Variants in PKHD1L1 observed in about 807,000 individuals in gnomAD.
The protein encoded by PKHD1L1 is fibrocystin-L.
In PKHD1L1, 434 loss-of-function variants were observed where a neutral mutation model predicts 462.9. That is an observed-to-expected ratio of 0.94 (90% CI 0.87 to 1.02). PKHD1L1 has a LOEUF of 1.02. Among genes scored for constraint, PKHD1L1 ranks in the 50% least tolerant of loss-of-function variants. The pLI, the probability that PKHD1L1 is intolerant of heterozygous loss-of-function variation, is 0.00. For missense variants in PKHD1L1, 5,202 were observed against 5,096.1 expected, an observed-to-expected ratio of 1.02 and a Z score of -0.63; for synonymous variants, 1,781 against 1,750.0, an observed-to-expected ratio of 1.02 and a Z score of -0.44.
chr8:109,436,398 G>C lies in PKHD1L1; in HGVS notation c.3566G>C (p.Gly1189Ala), dbSNP rs1275648734. 1.4e-5 allele frequency: 23 copies of C among 1,613,328 alleles called. No homozygotes were observed. The highest frequency in any genetic ancestry group is 1.9e-5 in the Non-Finnish European group (23 of 1,179,722). Residue 1189 changes from glycine to alanine, a missense_variant, in exon 30 of 78, where the codon GGA becomes GCA. Physicochemically the swap from Gly to Ala is moderately conservative, Grantham distance 60. Transcript: ENST00000378402. ...GFNENSKVLV[G>A]NETCNVIEGD... ...AATGAAAATTCAAAGGTATTAGTTG[G>C]AAATGAAACCTGCAATGTGATTGAA...
rs1413636455 is a variant in PKHD1L1, at chr8:109,534,223, G to A, written c.*4133G>A. Among the ~76,000 whole-genome samples the A allele has an allele frequency of 6.6e-6, 1 of 152,262 alleles. No homozygotes were observed. The highest frequency in any genetic ancestry group is 2.4e-5 in the African/African-American group (1 of 41,468). On this transcript the variant is annotated 3_prime_UTR_variant, in exon 78 of 78. Transcript: ENST00000378402. ...CACGCCTGTAATCCCAGCACTCTGG[G>A]AGGCCAAGGCAGGCGGATCACGAGG... is the stretch of plus-strand genomic sequence containing the variant.
intron 63 of PKHD1L1, 81 bp downstream of exon 63, chr8:109,493,832 A>C: frequency 1.1e-6 from 1 of 884,242 alleles, no homozygotes; most frequent in Non-Finnish European, 1.7e-6. Flanking sequence ...ATTGTTTGTT[A>C]ATTCAATATG....
chr8:109,448,482 C>A, intron 39 of PKHD1L1, 91 bp downstream of exon 39: 11 of 1,233,754 alleles, frequency 8.9e-6, no homozygotes, highest in South Asian at 1.9e-5. Flanking sequence ...GTTACTCAAA[C>A]ACATAAAATT....
At chr8:109,397,670 A>G (rs1813051062) in intron 11 of PKHD1L1, among the ~76,000 whole-genome samples, 1 of 152,196 alleles carries the variant, frequency 6.6e-6, no homozygotes, top group African/African-American at 2.4e-5. Flanking sequence ...AGCCTGGGTG[A>G]CAGAGCAAGA....
chr8:109,442,371 T>C (rs1815844916), intron 35 of PKHD1L1, among the ~76,000 whole-genome samples, 176 bp downstream of exon 35: 1 of 152,224 alleles, frequency 6.6e-6, no homozygotes, highest in African/African-American at 2.4e-5. Context: ...AGCAAGTTAT[T>C]TTATACATAT....
intron 20 of PKHD1L1, among the ~76,000 whole-genome samples, chr8:109,413,113 T>G (rs1813945698): frequency 6.6e-6 from 1 of 152,122 alleles, no homozygotes; most frequent in African/African-American, 2.4e-5. Context: ...CTGAGTAGCT[T>G]AGAGTTAGTA....
At chr8:109,511,091 A>T (rs1417641067) in intron 71 of PKHD1L1, among the ~76,000 whole-genome samples, 157 bp downstream of exon 71, 1 of 152,102 alleles carries the variant, frequency 6.6e-6, no homozygotes, top group Non-Finnish European at 1.5e-5. Flanking sequence ...ATTAGCCTAG[A>T]CAGTTTTCAT....
At chr8:109,370,085 C>T (rs1341517729) in intron 2 of PKHD1L1, among the ~76,000 whole-genome samples, 2 of 152,074 alleles carry the variant, frequency 1.3e-5, no homozygotes, top group Non-Finnish European at 2.9e-5. Flanking sequence ...GGTTCGAATC[C>T]CGGCTACCCA....
chr8:109,499,455 C>T (rs1819288971), intron 67 of PKHD1L1: 1 of 152,188 alleles, frequency 6.6e-6, no homozygotes, highest in Non-Finnish European at 1.5e-5. Flanking sequence ...AACAAATTAG[C>T]AACACTTTTA....
At position 109,454,236 on chromosome 8, in the gene PKHD1L1, G is replaced by C. The variant is rs1404671261; in HGVS notation, c.6734G>C (p.Gly2245Ala). 1.9e-6 allele frequency: 3 copies of C among 1,601,962 alleles called. No individual in the cohort carries two copies. Among genetic ancestry groups the C allele is most frequent in the African/African-American group, 1.3e-5 (1 of 74,564 alleles). The change falls in exon 44 of 78, where the codon GGT becomes GCT. Residue 2245 changes from glycine (G) to alanine (A), a missense_variant. Around this residue, in one of 3 missense-constraint regions of PKHD1L1, gnomAD observed 4,497 missense variants for 4,336.8 expected, o/e 1.04. Transcript: ENST00000378402. ...QAENILITDG[G>A]VLQIGTETSP... Reference sequence around the variant, plus strand: ...GAAAATATTCTAATTACAGATGGAGGTGTTCTTCAGGTATTCAAAAGAACA... The same window carrying C: ...GAAAATATTCTAATTACAGATGGAGCTGTTCTTCAGGTATTCAAAAGAACA...
intron 2 of PKHD1L1, among the ~76,000 whole-genome samples, chr8:109,380,613 C>T (rs947865920): frequency 6.6e-6 from 1 of 152,128 alleles, no homozygotes; most frequent in African/African-American, 2.4e-5. Flanking sequence ...CAATGGGGAC[C>T]AGATTTGATG....
At chr8:109,382,145 T>C (rs1366972672) in intron 3 of PKHD1L1, among the ~76,000 whole-genome samples, 2 of 152,132 alleles carry the variant, frequency 1.3e-5, no homozygotes. Context: ...TAACTGATTG[T>C]ACCGAGGTGA....
At chr8:109,401,772 T>C (rs1373691550) in intron 14 of PKHD1L1, among the ~76,000 whole-genome samples, 184 bp downstream of exon 14, 1 of 152,188 alleles carries the variant, frequency 6.6e-6, no homozygotes, top group Non-Finnish European at 1.5e-5. Flanking sequence ...ATACTGGCAT[T>C]CAACTAACCA....
chr8:109,394,422 C>A lies in PKHD1L1; in HGVS notation c.748C>A (p.Pro250Thr). 1 of 1,487,848 alleles carries A rather than the reference C, an allele frequency of 6.7e-7. No individual in the cohort carries two copies. Among genetic ancestry groups the A allele is most frequent in the Non-Finnish European group, 9.0e-7 (1 of 1,109,172 alleles). The allele number at this position is 1,487,848 out of a possible 1,614,324, so 92.2% of individuals were successfully genotyped here. A position where few individuals can be genotyped will look rare whatever the true frequency, so the allele number is the denominator to read the frequency against. The change falls in exon 10 of 78, where the codon CCA (proline) becomes ACA (threonine). Residue 250 changes from proline to threonine, a missense_variant. This residue lies in a region of PKHD1L1 where 4,497 missense variants were observed against 4,336.8 expected (regional missense o/e 1.04). Transcript: ENST00000378402. ...ILDNDYGRSF[P>T]QKMAYFVSSL... ...TTAATCTTTTTTTAACAGGAGTTTT[C>A]CACAGAAAATGGCATATTTTGTTTC... is the stretch of plus-strand genomic sequence containing the variant.
chr8:109,438,795 C>A, intron 31 of PKHD1L1, 102 bp from the exon 32 acceptor site: 1 of 969,274 alleles, frequency 1.0e-6, no homozygotes, highest in Non-Finnish European at 1.5e-6. Context: ...TTTCCTAAAT[C>A]CAATGAAAGA....
chr8:109,460,341 G>A (rs1817049925), intron 47 of PKHD1L1, among the ~76,000 whole-genome samples: 1 of 152,186 alleles, frequency 6.6e-6, no homozygotes, highest in Non-Finnish European at 1.5e-5. Context: ...TATCAGAACA[G>A]TGTGAGAGTG....
chr8:109,534,610 G>C lies in PKHD1L1; in HGVS notation c.*4520G>C, dbSNP rs1272571252. 1.3e-5 allele frequency among the ~76,000 whole-genome samples: 2 copies of C among 152,144 alleles called. No individual in the cohort carries two copies. Among genetic ancestry groups the C allele is most frequent in the African/African-American group, 4.8e-5 (2 of 41,418 alleles). On this transcript the variant is annotated 3_prime_UTR_variant, in exon 78 of 78. Transcript: ENST00000378402. Reference sequence around the variant, plus strand: ...TCCCCATTATGGTAGTAGCTGCAAGGAGTGTTCAGTCTCCAGTGAAAGAAA... The same window carrying C: ...TCCCCATTATGGTAGTAGCTGCAAGCAGTGTTCAGTCTCCAGTGAAAGAAA...
At chr8:109,508,036 A>G (rs1476575855) in intron 69 of PKHD1L1, 61 bp from the exon 70 acceptor site, 5 of 1,513,902 alleles carry the variant, frequency 3.3e-6, no homozygotes, top group Middle Eastern at 1.8e-4. Flanking sequence ...TAGATGTTAT[A>G]AGGATTTTTT....
chr8:109,434,478 T>C (rs984551507), intron 28 of PKHD1L1, among the ~76,000 whole-genome samples: 2 of 152,170 alleles, frequency 1.3e-5, no homozygotes, highest in Non-Finnish European at 2.9e-5. Context: ...TCTGTGTTTT[T>C]GTTTTTTTGA....
Sources: allele counts gnomAD v4.1 joint callset (sites outside exome capture counted in the v4.1 genomes callset), GRCh38; gene constraint gnomAD v4.1.1; regional missense constraint gnomAD v4.1.1; transcripts MANE v1.5; gene names NCBI Gene and HGNC (gene_info 2026-07-23, HGNC 2026-07-21).